Variants in CSMD1 observed in about 807,000 individuals in gnomAD.
CSMD1 encodes the protein CUB and Sushi multiple domains 1, also known as CUB and sushi domain-containing protein 1.
In CSMD1, 213 loss-of-function variants were observed where a neutral mutation model predicts 417.5. The observed-to-expected ratio is 0.51, with a 90% CI of 0.46 to 0.57. The LOEUF (loss-of-function observed/expected upper bound fraction) is 0.57. CSMD1 is among the 20% of genes least tolerant of loss of function. The pLI, the probability that CSMD1 is intolerant of heterozygous loss-of-function variation, is 0.00. For missense variants in CSMD1, 6,923 were observed against 4,529.7 expected (o/e 1.53, Z -15.17); for synonymous variants, 2,862 against 1,736.8 (o/e 1.65, Z -16.11).
intron 3 of CSMD1, among the ~76,000 whole-genome samples, chr8:4,164,039 G>C (rs979384956): frequency 1.3e-5 from 2 of 152,074 alleles, no homozygotes; most frequent in African/African-American, 4.8e-5. Context: ...TGGTACATGT[G>C]TCATTCCCTT....
At chr8:3,825,546 G>C (rs906158936) in intron 5 of CSMD1, among the ~76,000 whole-genome samples, 2 of 151,480 alleles carry the variant, frequency 1.3e-5, no homozygotes, top group Non-Finnish European at 2.9e-5. Context: ...GCAGGTTCAG[G>C]GGTGTGGGGC....
chr8:3,187,628 C>G (rs998556984), intron 36 of CSMD1, among the ~76,000 whole-genome samples: 3 of 152,154 alleles, frequency 2.0e-5, no homozygotes, highest in Admixed American at 2.0e-4. Flanking sequence ...TGCCGCATGT[C>G]AAAGCTCTGC....
chr8:3,098,585 T>C (rs1815501958), intron 46 of CSMD1, among the ~76,000 whole-genome samples: 2 of 152,178 alleles, frequency 1.3e-5, no homozygotes. Context: ...ATAATCCTAA[T>C]CAGAACACAC....
chr8:4,773,706 A>T (rs966558914), intron 1 of CSMD1, among the ~76,000 whole-genome samples: 4 of 152,186 alleles, frequency 2.6e-5, no homozygotes. Flanking sequence ...CTAGTGTATA[A>T]GCACCACTCT....
intron 4 of CSMD1, among the ~76,000 whole-genome samples, chr8:4,018,809 C>T (rs566881192): frequency 1.3e-5 from 2 of 152,198 alleles, no homozygotes; most frequent in Admixed American, 6.5e-5. Flanking sequence ...CTGCCTTCCC[C>T]ACATACAGCG....
intron 5 of CSMD1, among the ~76,000 whole-genome samples, chr8:3,954,400 C>T (rs1421658595): frequency 1.3e-5 from 2 of 152,052 alleles, no homozygotes; most frequent in Non-Finnish European, 2.9e-5. Flanking sequence ...TCTCGCTCTG[C>T]TGCCCAGGCT....
chr8:4,712,340 A>G (rs1051215189), intron 1 of CSMD1, among the ~76,000 whole-genome samples: 1 of 152,192 alleles, frequency 6.6e-6, no homozygotes, highest in Non-Finnish European at 1.5e-5. Context: ...GCATTTCCAG[A>G]ACGGAAAACC....
intron 28 of CSMD1, among the ~76,000 whole-genome samples, chr8:3,222,017 C>G (rs2116862538): frequency 6.6e-6 from 1 of 152,238 alleles, no homozygotes; most frequent in Admixed American, 6.5e-5. Flanking sequence ...TAACAGGATT[C>G]TGGTCTCTCC....
intron 5 of CSMD1, among the ~76,000 whole-genome samples, chr8:3,962,913 T>C (rs1423239993): frequency 6.6e-6 from 1 of 152,198 alleles, no homozygotes; most frequent in East Asian, 1.9e-4. Flanking sequence ...GTCTATTTTT[T>C]CCACAAAACT....
At chr8:3,447,049 T>C (rs1310279717) in intron 12 of CSMD1, among the ~76,000 whole-genome samples, 1 of 152,134 alleles carries the variant, frequency 6.6e-6, no homozygotes, top group Non-Finnish European at 1.5e-5. Flanking sequence ...AAATTCTTAA[T>C]AAAATTAAAA....
intron 5 of CSMD1, among the ~76,000 whole-genome samples, chr8:3,874,481 G>C (rs945928926): frequency 6.6e-6 from 1 of 152,142 alleles, no homozygotes; most frequent in African/African-American, 2.4e-5. Context: ...AACTTTTACA[G>C]ACTTCTTTTA....
chr8:4,279,612 G>C (rs993507963), intron 3 of CSMD1, among the ~76,000 whole-genome samples: 108 of 152,218 alleles, frequency 7.1e-4, no homozygotes, highest in Non-Finnish European at 2.9e-4. Flanking sequence ...CTCAATGAAA[G>C]GATAAATGCT....
At chr8:4,795,251 G>GTTTTTTTTTTTTT (rs1797912090) in intron 1 of CSMD1, among the ~76,000 whole-genome samples, 1 of 85,246 alleles carries the variant, frequency 1.2e-5, no homozygotes, top group Non-Finnish European at 2.5e-5. Flanking sequence ...TGGTGTCATA[G>GTTTTTTTTTTTTT]CTTTTTTTTT....
intron 1 of CSMD1, among the ~76,000 whole-genome samples, chr8:4,827,857 C>T (rs1327780780): frequency 1.3e-5 from 2 of 152,148 alleles, no homozygotes; most frequent in Non-Finnish European, 2.9e-5. Flanking sequence ...AGTTTACTTG[C>T]CCTTTACCAT....
At chr8:3,232,228 C>T (rs991120444) in intron 26 of CSMD1, among the ~76,000 whole-genome samples, 1 of 152,204 alleles carries the variant, frequency 6.6e-6, no homozygotes, top group African/African-American at 2.4e-5. Context: ...TGTATGCATT[C>T]CACTTTTAGC....
intron 46 of CSMD1, among the ~76,000 whole-genome samples, chr8:3,103,200 T>G (rs777783376): frequency 2.2e-4 from 33 of 152,164 alleles, no homozygotes; most frequent in Admixed American, 2.2e-3. Flanking sequence ...CTAAAAAACT[T>G]TGTAATTTTG....
At chr8:3,951,723 A>G (rs986075618) in intron 5 of CSMD1, among the ~76,000 whole-genome samples, 1 of 152,208 alleles carries the variant, frequency 6.6e-6, no homozygotes, top group Non-Finnish European at 1.5e-5. Context: ...ATGGGTATTA[A>G]CAACATGGGG....
chr8:4,751,463 C>G (rs200626619), intron 1 of CSMD1, among the ~76,000 whole-genome samples: 1 of 152,076 alleles, frequency 6.6e-6, no homozygotes, highest in Non-Finnish European at 1.5e-5. Flanking sequence ...GTTCATTACC[C>G]TAAATAGCAT....
At chr8:4,855,080 C>T (rs1035007326) in intron 1 of CSMD1, among the ~76,000 whole-genome samples, 65 of 152,180 alleles carry the variant, frequency 4.3e-4, no homozygotes, top group African/African-American at 1.5e-3. Flanking sequence ...AACGGGCAGA[C>T]TGCCTCCTCA....
Sources: allele counts gnomAD v4.1 joint callset (sites outside exome capture counted in the v4.1 genomes callset), GRCh38; gene constraint gnomAD v4.1.1; transcripts MANE v1.5; gene names NCBI Gene and HGNC (gene_info 2026-07-23, HGNC 2026-07-21).